The following OSBPL10 variants were observed in gnomAD, a reference collection of about 807,000 sequenced individuals.
OSBPL10 encodes the protein oxysterol binding protein like 10, also known as oxysterol-binding protein-related protein 10.
In OSBPL10, 49 loss-of-function variants were observed where a neutral mutation model predicts 81.7. The observed-to-expected ratio is 0.60, with a 90% CI of 0.48 to 0.76. The LOEUF (loss-of-function observed/expected upper bound fraction) is 0.76, where lower values mean the gene tolerates loss of function less well. OSBPL10 is among the 30% of genes least tolerant of loss of function. The pLI is 0.00. For missense variants in OSBPL10, 923 were observed against 987.8 expected, an observed-to-expected ratio of 0.93 and a Z score of 0.88; for synonymous variants, 419 against 383.6, an observed-to-expected ratio of 1.09 and a Z score of -1.08.
intron 2 of OSBPL10, chr3:31,991,481 T>C (rs1220344729): frequency 6.0e-6 from 1 of 167,046 alleles, no homozygotes; most frequent in African/African-American, 2.4e-5. Flanking sequence ...TTACGTTTAT[T>C]CCTAAATATT....
intron 11 of OSBPL10, chr3:31,662,609 T>G: frequency 1.0e-6 from 1 of 994,682 alleles, no homozygotes; most frequent in Non-Finnish European, 1.2e-6. Context: ...AGGCAAGAAT[T>G]AAAATGGTAT....
At chr3:31,697,203 G>C (rs893064530) in intron 7 of OSBPL10, among the ~76,000 whole-genome samples, 3 of 152,228 alleles carry the variant, frequency 2.0e-5, no homozygotes, top group Admixed American at 2.0e-4. Flanking sequence ...TTAAGAAGTC[G>C]GGCGACCCAG....
At chr3:31,762,412 TCA>T (rs1698071726) in intron 4 of OSBPL10, among the ~76,000 whole-genome samples, 1 of 152,102 alleles carries the variant, frequency 6.6e-6, no homozygotes, top group South Asian at 2.1e-4. Context: ...AACAGTGCTT[TCA>T]CAGTCACAGT....
At position 31,662,043 on chromosome 3, in the gene OSBPL10, A is replaced by T. The variant is rs773211510; in HGVS notation, c.*29T>A. 6.2e-7 allele frequency: 1 copy of T among 1,612,908 alleles called. No individual in the cohort carries two copies. The highest frequency in any genetic ancestry group is 8.5e-7 in the Non-Finnish European group (1 of 1,179,518). On this transcript the variant is annotated 3_prime_UTR_variant, in exon 12 of 12. Coordinates refer to ENST00000396556, the MANE Select transcript of OSBPL10 (RefSeq NM_017784.5). ...TTAATATTCCTACAAAAACAGGGCT[A>T]TACTGGAAAGCTCTGCACCTCCACC...
At chr3:31,865,586 G>T (rs4955214) in intron 3 of OSBPL10, among the ~76,000 whole-genome samples, 1 of 152,094 alleles carries the variant, frequency 6.6e-6, no homozygotes, top group Non-Finnish European at 1.5e-5. Context: ...GCCTTTGGGA[G>T]GTGATTAGGT....
chr3:31,764,742 C>T (rs1338244804), intron 4 of OSBPL10, among the ~76,000 whole-genome samples: 1 of 152,188 alleles, frequency 6.6e-6, no homozygotes, highest in African/African-American at 2.4e-5. Context: ...AGCATTTTAA[C>T]TGCACATTAT....
At chr3:31,816,101 G>A (rs1699826795) in intron 4 of OSBPL10, among the ~76,000 whole-genome samples, 1 of 75,306 alleles carries the variant, frequency 1.3e-5, no homozygotes, top group African/African-American at 3.9e-5. Context: ...GGTTTGAAAG[G>A]TATAAAGTCA....
chr3:31,766,951 T>G (rs1179194548), intron 4 of OSBPL10, among the ~76,000 whole-genome samples: 1 of 152,136 alleles, frequency 6.6e-6, no homozygotes, highest in Non-Finnish European at 1.5e-5. Flanking sequence ...AATCTCATAA[T>G]GAAAAGCCAA....
chr3:31,940,028 T>C (rs1478761444), intron 1 of OSBPL10, among the ~76,000 whole-genome samples: 1 of 152,176 alleles, frequency 6.6e-6, no homozygotes, highest in South Asian at 2.1e-4. Flanking sequence ...GCCCACTCCA[T>C]ATATTCTTTA....
intron 6 of OSBPL10, chr3:31,721,611 T>C (rs550434115): frequency 2.8e-4 from 43 of 152,234 alleles, no homozygotes; most frequent in Admixed American, 6.5e-4. Flanking sequence ...AGGTCCTTTG[T>C]AAACCATGCT....
At chr3:31,803,521 C>T (rs927085538) in intron 4 of OSBPL10, among the ~76,000 whole-genome samples, 1 of 152,186 alleles carries the variant, frequency 6.6e-6, no homozygotes, top group Non-Finnish European at 1.5e-5. Context: ...AGAGATGTTG[C>T]AAAAATCATA....
chr3:31,919,374 C>A (rs4444747), intron 1 of OSBPL10: 60,141 of 152,048 alleles, frequency 0.4, 12,869 homozygotes, highest in Non-Finnish European at 0.5. Flanking sequence ...GAGGATACAT[C>A]GGGGTGACTT....
intron 1 of OSBPL10, among the ~76,000 whole-genome samples, chr3:31,907,175 T>C (rs77721561): frequency 0.029 from 4,376 of 152,284 alleles, 87 homozygotes; most frequent in Non-Finnish European, 0.043. Flanking sequence ...ATCTGCTATA[T>C]GCAAAGGCCC....
rs10628664 is a variant in OSBPL10 at position 31,720,045 on chromosome 3, C to CATAT, written c.1095+13208_1095+13211dup. On this transcript the variant is annotated intron_variant, in intron 6 of 11. Coordinates refer to ENST00000396556, the MANE Select transcript of OSBPL10 (RefSeq NM_017784.5). ...CACTGGTATAAAAAAAGTTAAAGAA[C>CATAT]ATATATATATATTATATATATTTTA... Among the ~76,000 whole-genome samples, 304 of 147,864 alleles carry CATAT rather than the reference C, an allele frequency of 2.1e-3. 3 individuals carry two copies. The highest frequency in any genetic ancestry group is 7.1e-3 in the African/African-American group (289 of 40,482).
chr3:31,775,431 G>A (rs1428246039), intron 4 of OSBPL10, among the ~76,000 whole-genome samples: 1 of 152,080 alleles, frequency 6.6e-6, no homozygotes, highest in African/African-American at 2.4e-5. Flanking sequence ...GGTGCCACCT[G>A]GAGAAACCTA....
chr3:31,772,035 A>AT (rs371145925), intron 4 of OSBPL10, among the ~76,000 whole-genome samples: 2 of 152,096 alleles, frequency 1.3e-5, no homozygotes, highest in Admixed American at 6.5e-5. Flanking sequence ...TGCCTAGCAG[A>AT]TTTTTTTTAA....
intron 6 of OSBPL10, among the ~76,000 whole-genome samples, chr3:31,730,330 CAA>C (rs796676217): frequency 8.0e-6 from 1 of 124,956 alleles, no homozygotes. Context: ...GGCCACAGAG[CAA>C]AAAAAAAATC....
chr3:31,917,580 A>G (rs1696795166), intron 1 of OSBPL10, among the ~76,000 whole-genome samples: 1 of 151,002 alleles, frequency 6.6e-6, no homozygotes. Context: ...CTCTGAACCT[A>G]TTCTGGTTCT....
At chr3:31,737,029 T>C (rs1223703853) in intron 5 of OSBPL10, among the ~76,000 whole-genome samples, 2 of 152,222 alleles carry the variant, frequency 1.3e-5, no homozygotes, top group Non-Finnish European at 2.9e-5. Flanking sequence ...ATATGGCAAC[T>C]TAGGGCACCA....
Sources: allele counts gnomAD v4.1 joint callset (sites outside exome capture counted in the v4.1 genomes callset), GRCh38; gene constraint gnomAD v4.1.1; transcripts MANE v1.5; gene names NCBI Gene and HGNC (gene_info 2026-07-23, HGNC 2026-07-21).